The following AKAP6 variants were observed in gnomAD, a reference collection of about 807,000 sequenced individuals.
AKAP6 encodes A-kinase anchoring protein 6.
A neutral mutation model predicts 188.5 loss-of-function variants in AKAP6; 58 were observed. That is an observed-to-expected ratio of 0.31 (90% confidence interval 0.25 to 0.38). AKAP6 has a LOEUF of 0.38. Ranked by LOEUF, AKAP6 falls within the 10% of genes least tolerant of loss-of-function variation. The pLI is 1.00. For missense variants in AKAP6, 2,710 were observed against 2,740.0 expected (o/e 0.99, Z 0.24); for synonymous variants, 989 against 998.6 (o/e 0.99, Z 0.18).
intron 1 of AKAP6, among the ~76,000 whole-genome samples, chr14:32,415,598 T>C (rs1889631506): frequency 6.6e-6 from 1 of 152,170 alleles, no homozygotes; most frequent in Non-Finnish European, 1.5e-5. Context: ...ACTACATTCA[T>C]CGTATCGTGC....
Position 32,833,540 on chromosome 14 carries a change from A to G in AKAP6, c.*3735A>G, listed in dbSNP as rs1010812824. The G allele has an allele frequency of 6.6e-6, 1 of 152,188 alleles. No homozygotes were observed. Among genetic ancestry groups the G allele is most frequent in the African/African-American group, 2.4e-5 (1 of 41,448 alleles). The allele number at this position is 152,188 out of a possible 1,614,324, so 9.4% of individuals were successfully genotyped here. A position where few individuals can be genotyped will look rare whatever the true frequency, so the allele number is the denominator to read the frequency against. On this transcript the variant is annotated 3_prime_UTR_variant, in exon 14 of 14. Transcript: ENST00000280979. ...AAATATGCATCTTATACAACACAGA[A>G]CAACCTAAATTTAGGGCTTCTGGAA...
intron 3 of AKAP6, among the ~76,000 whole-genome samples, chr14:32,539,917 C>T (rs1168344043): frequency 6.6e-6 from 1 of 151,966 alleles, no homozygotes; most frequent in Non-Finnish European, 1.5e-5. Context: ...TAGAATGCCA[C>T]AGCCCCCACA....
intron 2 of AKAP6, among the ~76,000 whole-genome samples, chr14:32,526,733 G>A (rs1490359719): frequency 1.3e-5 from 2 of 152,182 alleles, no homozygotes; most frequent in African/African-American, 2.4e-5. Context: ...TATTAGAAAA[G>A]TGTATTTGCT....
chr14:32,621,581 T>G lies in AKAP6; in HGVS notation c.2730+20789T>G, dbSNP rs565421239. Among the ~76,000 whole-genome samples, 54 of 152,268 alleles carry G rather than the reference T, an allele frequency of 3.5e-4. 1 individual carries two copies. Among genetic ancestry groups the G allele is most frequent in the Non-Finnish European group, 4.0e-4 (27 of 67,998 alleles). Reference sequence around the variant, plus strand: ...ATTTTTTAAAAATTGAGGCTTGTTTTGTGGCCTATCATATGGTCTATCTTG... The same window carrying G: ...ATTTTTTAAAAATTGAGGCTTGTTTGGTGGCCTATCATATGGTCTATCTTG... On this transcript the variant is annotated intron_variant, in intron 7 of 13. Transcript: ENST00000280979.
chr14:32,435,676 A>G (rs1463429040), intron 2 of AKAP6, among the ~76,000 whole-genome samples: 1 of 152,216 alleles, frequency 6.6e-6, no homozygotes, highest in African/African-American at 2.4e-5. Flanking sequence ...TACTCAGTCA[A>G]TAACTATTAA....
intron 4 of AKAP6, among the ~76,000 whole-genome samples, chr14:32,570,104 A>G (rs1884408060): frequency 7.7e-6 from 1 of 129,494 alleles, no homozygotes; most frequent in Non-Finnish European, 1.7e-5. Context: ...GCCACCCCCT[A>G]TATTGTGACT....
chr14:32,602,848 C>T (rs574505513), intron 7 of AKAP6, among the ~76,000 whole-genome samples: 62 of 152,298 alleles, frequency 4.1e-4, no homozygotes, highest in South Asian at 6.2e-4. Flanking sequence ...GCCCTTTGAT[C>T]GCAGAGCCCG....
intron 12 of AKAP6, among the ~76,000 whole-genome samples, chr14:32,787,202 G>T (rs2033448961): frequency 6.6e-6 from 1 of 152,096 alleles, no homozygotes; most frequent in Non-Finnish European, 1.5e-5. Flanking sequence ...CTTTACAAAA[G>T]AAAGGAAAGA....
intron 2 of AKAP6, among the ~76,000 whole-genome samples, chr14:32,496,608 A>G (rs979152382): frequency 1.3e-5 from 2 of 152,036 alleles, no homozygotes; most frequent in Non-Finnish European, 2.9e-5. Context: ...ATATTTTCCT[A>G]CTGTTTGTAT....
At chr14:32,686,050 G>A (rs1247108448) in intron 8 of AKAP6, among the ~76,000 whole-genome samples, 1 of 152,160 alleles carries the variant, frequency 6.6e-6, no homozygotes, top group African/African-American at 2.4e-5. Flanking sequence ...GTGTCCATCA[G>A]CAGATGAATG....
intron 1 of AKAP6, among the ~76,000 whole-genome samples, chr14:32,425,309 T>C (rs1889993595): frequency 6.6e-6 from 1 of 152,178 alleles, no homozygotes; most frequent in Non-Finnish European, 1.5e-5. Context: ...AAAGTGTCTG[T>C]TCATTGGCTG....
intron 1 of AKAP6, among the ~76,000 whole-genome samples, chr14:32,397,215 A>T (rs1171386296): frequency 6.6e-6 from 1 of 152,136 alleles, no homozygotes; most frequent in Non-Finnish European, 1.5e-5. Context: ...ACTTCCAAGC[A>T]TGCTGCCTTT....
At chr14:32,514,340 A>G (rs531540280) in intron 2 of AKAP6, among the ~76,000 whole-genome samples, 30 of 152,320 alleles carry the variant, frequency 2.0e-4, no homozygotes, top group African/African-American at 7.0e-4. Context: ...ACAAATCAAC[A>G]GTCAAGCCAG....
At chr14:32,718,081 AG>A (rs1291528847) in intron 9 of AKAP6, among the ~76,000 whole-genome samples, 1 of 152,154 alleles carries the variant, frequency 6.6e-6, no homozygotes, top group East Asian at 1.9e-4. Flanking sequence ...TGTATTTTCA[AG>A]AGCAGTAGTA....
intron 7 of AKAP6, among the ~76,000 whole-genome samples, chr14:32,630,528 G>T (rs1486892323): frequency 1.3e-5 from 2 of 152,012 alleles, no homozygotes; most frequent in Admixed American, 1.3e-4. Flanking sequence ...GGGAAAAAAG[G>T]AGATACTTTT....
At chr14:32,693,642 AGAG>A (rs1890272886) in intron 8 of AKAP6, 1 of 152,032 alleles carries the variant, frequency 6.6e-6, no homozygotes, top group African/African-American at 2.4e-5. Context: ...AGGCCAGGAG[AGAG>A]GAGAACACAC....
At chr14:32,681,980 A>G (rs1231250838) in intron 8 of AKAP6, among the ~76,000 whole-genome samples, 6 of 152,204 alleles carry the variant, frequency 3.9e-5, no homozygotes. Context: ...AATGGTTCCT[A>G]CATTTCAGAA....
At position 32,600,632 on chromosome 14, in the gene AKAP6, T is replaced by C. The variant is rs775150467; in HGVS notation, c.2570T>C (p.Leu857Pro). The C allele has an allele frequency of 6.2e-7, 1 of 1,611,150 alleles. No homozygotes were observed. Among genetic ancestry groups the C allele is most frequent in the East Asian group, 2.2e-5 (1 of 44,788 alleles). ...CTTTCCCCTCCTTTTGGAGAAGGAC[T>C]GAAGGACATGCTGCGGATGATTGCA... ...LELIASHKAG[L>P]KDMLRMIASQ... is the part of the protein sequence containing the mutation. The change falls in exon 7 of 14, where the codon CTG becomes CCG. Residue 857 changes from leucine (L) to proline (P), a missense_variant. By Grantham distance (98) the Leu-to-Pro change is moderately conservative (BLOSUM62 -3). Around this residue, in one of 2 missense-constraint regions of AKAP6, gnomAD observed 2,473 missense variants for 2,426.1 expected, o/e 1.02. Coordinates refer to ENST00000280979, the MANE Select transcript of AKAP6 (RefSeq NM_004274.5).
rs1357667690 is a variant in AKAP6 at position 32,832,049 on chromosome 14, A to T, written c.*2244A>T. 5 of 152,068 alleles carry T rather than the reference A, an allele frequency of 3.3e-5. No homozygotes were observed. The highest frequency in any genetic ancestry group is 7.3e-5 in the Non-Finnish European group (5 of 68,028). The allele number at this position is 152,068 out of a possible 1,614,324, so 9.4% of individuals were successfully genotyped here. A position where few individuals can be genotyped will look rare whatever the true frequency, so the allele number is the denominator to read the frequency against. ...CTTTTCCATATGTATTTCTAAATGG[A>T]TAAATTATTCTAGGCTTCTTAATAG... On this transcript the variant is annotated 3_prime_UTR_variant, in exon 14 of 14. Transcript: ENST00000280979.
Sources: allele counts gnomAD v4.1 joint callset (sites outside exome capture counted in the v4.1 genomes callset), GRCh38; gene constraint gnomAD v4.1.1; regional missense constraint gnomAD v4.1.1; transcripts MANE v1.5; gene names NCBI Gene and HGNC (gene_info 2026-07-23, HGNC 2026-07-21).